SPRED2: variants seen among roughly 807,000 people sequenced by gnomAD.
SPRED2 encodes sprouty-related, EVH1 domain-containing protein 2.
Under a neutral mutation model 43.0 loss-of-function variants are expected in SPRED2, and 47 were observed. The observed-to-expected ratio is 1.09, with a 90% CI of 0.87 to 1.40. The LOEUF (loss-of-function observed/expected upper bound fraction) is 1.40, where lower values mean the gene tolerates loss of function less well. Among genes scored for constraint, SPRED2 ranks in the 40% most tolerant of loss-of-function variants. The pLI, the probability that SPRED2 is intolerant of heterozygous loss-of-function variation, is 0.00. For synonymous variants in SPRED2, 225 were observed against 225.7 expected, an observed-to-expected ratio of 1.00 and a Z score of 0.03; for missense variants, 561 against 586.4, an observed-to-expected ratio of 0.96 and a Z score of 0.45.
intron 1 of SPRED2, among the ~76,000 whole-genome samples, chr2:65,384,355 G>C (rs1572884948): frequency 6.6e-6 from 1 of 152,078 alleles, no homozygotes; most frequent in East Asian, 1.9e-4. Context: ...CAAGCTTGAC[G>C]GGCAAAGCTC....
chr2:65,387,107 T>C (rs753195796), intron 1 of SPRED2, among the ~76,000 whole-genome samples: 1 of 152,174 alleles, frequency 6.6e-6, no homozygotes, highest in Non-Finnish European at 1.5e-5. Context: ...CTCACAGTAT[T>C]GATGGAGTGA....
At chr2:65,363,899 G>T (rs1055005767) in intron 1 of SPRED2, among the ~76,000 whole-genome samples, 1 of 152,178 alleles carries the variant, frequency 6.6e-6, no homozygotes, top group Non-Finnish European at 1.5e-5. Context: ...AGCCAGCAAA[G>T]ATTGGGAAAA....
intron 4 of SPRED2, among the ~76,000 whole-genome samples, chr2:65,319,360 A>T (rs1435823532): frequency 2.0e-5 from 3 of 152,162 alleles, no homozygotes; most frequent in Non-Finnish European, 4.4e-5. Flanking sequence ...CATTTCTGTA[A>T]TCAAGATCTA....
At chr2:65,353,323 A>C (rs1558665125) in intron 1 of SPRED2, among the ~76,000 whole-genome samples, 1 of 152,196 alleles carries the variant, frequency 6.6e-6, no homozygotes, top group Non-Finnish European at 1.5e-5. Context: ...TAAGCCGAGC[A>C]TCTTTGTTGT....
intron 1 of SPRED2, chr2:65,366,573 A>G: frequency 6.4e-7 from 1 of 1,551,990 alleles, no homozygotes; most frequent in Non-Finnish European, 8.7e-7. Flanking sequence ...AAGTTCATGT[A>G]AACAGTAAGC....
intron 1 of SPRED2, among the ~76,000 whole-genome samples, chr2:65,362,653 G>A (rs1674851391): frequency 6.6e-6 from 1 of 152,040 alleles, no homozygotes; most frequent in East Asian, 2.0e-4. Context: ...GAGGTCAGGG[G>A]TTCGAGACCA....
At position 65,332,004 on chromosome 2, in the gene SPRED2, C is replaced by T. The variant is rs773600686; in HGVS notation, c.421G>A (p.Asp141Asn). Residue 141 changes from aspartate to asparagine, a missense_variant, in exon 4 of 6, where the codon GAT becomes AAT. This residue lies in a region of SPRED2 where 305 missense variants were observed against 282.4 expected (regional missense o/e 1.08). Coordinates refer to ENST00000356388, the MANE Select transcript of SPRED2 (RefSeq NM_181784.3). ...AAACTTACTGTAAAAACGTCATCAT[C>T]GCCAAGCTCAGCTTCATTATGGATG... Reference protein sequence around the residue: ...STIHNEAELGDDDVFTTATDS... With the variant: ...STIHNEAELGNDDVFTTATDS... The T allele has an allele frequency of 5.0e-6, 8 of 1,608,958 alleles. No individual in the cohort carries two copies. The highest frequency in any genetic ancestry group is 4.5e-5 in the East Asian group (2 of 44,738).
chr2:65,404,566 C>G (rs1037493042), intron 1 of SPRED2, among the ~76,000 whole-genome samples: 22 of 152,180 alleles, frequency 1.4e-4, no homozygotes, highest in Admixed American at 8.5e-4. Flanking sequence ...ATTCATTCAG[C>G]AGATACTTCT....
intron 1 of SPRED2, among the ~76,000 whole-genome samples, chr2:65,424,977 T>C (rs900016407): frequency 6.6e-6 from 1 of 152,226 alleles, no homozygotes; most frequent in Non-Finnish European, 1.5e-5. Flanking sequence ...CAAGCTTCTC[T>C]GTGCATTCTC....
intron 1 of SPRED2, among the ~76,000 whole-genome samples, chr2:65,409,153 T>C (rs1487148718): frequency 1.3e-5 from 2 of 152,230 alleles, no homozygotes; most frequent in African/African-American, 4.8e-5. Flanking sequence ...AATTTAACAC[T>C]GGTCGCACAG....
chr2:65,377,428 T>C (rs951864382), intron 1 of SPRED2, among the ~76,000 whole-genome samples: 3 of 152,222 alleles, frequency 2.0e-5, no homozygotes, highest in Non-Finnish European at 4.4e-5. Context: ...AGTTTGATTA[T>C]TTAGGCTGCC....
intron 2 of SPRED2, among the ~76,000 whole-genome samples, chr2:65,342,491 T>A (rs1244802515): frequency 6.6e-6 from 1 of 150,668 alleles, no homozygotes; most frequent in Non-Finnish European, 1.5e-5. Flanking sequence ...ATATTATATA[T>A]GTATGTATAT....
intron 1 of SPRED2, among the ~76,000 whole-genome samples, chr2:65,362,858 C>CAAAAA (rs113411208): frequency 2.8e-5 from 4 of 141,562 alleles, no homozygotes; most frequent in African/African-American, 5.3e-5. Context: ...AACTCCATTT[C>CAAAAA]AAAAAAAAAA....
chr2:65,402,892 A>G (rs904660287), intron 1 of SPRED2, among the ~76,000 whole-genome samples: 1 of 152,266 alleles, frequency 6.6e-6, no homozygotes, highest in Non-Finnish European at 1.5e-5. Flanking sequence ...TTGCTTCATT[A>G]TTAACCAAAA....
intron 1 of SPRED2, among the ~76,000 whole-genome samples, chr2:65,362,333 G>A (rs1027127926): frequency 6.6e-6 from 1 of 151,930 alleles, no homozygotes; most frequent in Admixed American, 6.5e-5. Flanking sequence ...GCAGTGGCGC[G>A]ATCTGGGCTC....
chr2:65,417,358 G>A (rs1676309818), intron 1 of SPRED2, among the ~76,000 whole-genome samples: 1 of 152,180 alleles, frequency 6.6e-6, no homozygotes. Context: ...ATAGTGAGCT[G>A]AAGGCCCTTC....
chr2:65,377,552 C>T, intron 1 of SPRED2: 1 of 471,142 alleles, frequency 2.1e-6, no homozygotes, highest in African/African-American at 2.0e-5. Flanking sequence ...AGAGGGGGAA[C>T]ACTGTGGCAA....
intron 1 of SPRED2, among the ~76,000 whole-genome samples, chr2:65,369,946 G>A (rs1190767175): frequency 1.3e-5 from 2 of 152,198 alleles, no homozygotes; most frequent in African/African-American, 4.8e-5. Flanking sequence ...ACTGATCCTC[G>A]GCAGGTAAGA....
rs537863918 is a variant in SPRED2, at chr2:65,371,167, C to T, written c.27-26271G>A. Among the ~76,000 whole-genome samples, 8 of 151,374 alleles carry T rather than the reference C, an allele frequency of 5.3e-5. No individual in the cohort carries two copies. In the East Asian group the frequency reaches 1.6e-3, roughly 30 times the overall value. On this transcript the variant is annotated intron_variant, in intron 1 of 5. Coordinates refer to ENST00000356388, the MANE Select transcript of SPRED2 (RefSeq NM_181784.3). ...CTCAAAATCAGGTCCCAAGACATAT[C>T]CCCGCATCCAATCATACTGAATATT...
Sources: allele counts gnomAD v4.1 joint callset (sites outside exome capture counted in the v4.1 genomes callset), GRCh38; gene constraint gnomAD v4.1.1; regional missense constraint gnomAD v4.1.1; transcripts MANE v1.5; gene names NCBI Gene and HGNC (gene_info 2026-07-23, HGNC 2026-07-21).